Variants in ST18 observed in about 807,000 individuals in gnomAD.
The protein encoded by ST18 is ST18 C2H2C-type zinc finger transcription factor, also known as suppression of tumorigenicity 18 protein.
A neutral mutation model predicts 110.0 loss-of-function variants in ST18; 50 were observed. That is an observed-to-expected ratio of 0.45 (90% CI 0.36 to 0.58). The LOEUF (loss-of-function observed/expected upper bound fraction) is 0.58, where lower values mean the gene tolerates loss of function less well. ST18 is among the 20% of genes least tolerant of loss of function. The pLI is 0.00. For synonymous variants in ST18, 461 were observed against 452.4 expected (o/e 1.02, Z -0.24); for missense variants, 1,306 against 1,280.1 (o/e 1.02, Z -0.31).
intron 2 of ST18, among the ~76,000 whole-genome samples, chr8:52,311,634 C>A (rs2095911842): frequency 6.6e-6 from 1 of 152,140 alleles, no homozygotes; most frequent in Non-Finnish European, 1.5e-5. Flanking sequence ...ACAATCATGG[C>A]AGAAGGGAAA....
intron 8 of ST18, among the ~76,000 whole-genome samples, chr8:52,210,566 G>A (rs1373187721): frequency 6.6e-6 from 1 of 152,068 alleles, no homozygotes; most frequent in Non-Finnish European, 1.5e-5. Flanking sequence ...GCTGAGGCAG[G>A]AGGATTTCCT....
Position 52,214,250 on chromosome 8 carries a change from G to A in ST18, c.8C>T (p.Ala3Val), listed in dbSNP as rs1335172226. ...ACGCAGCGTTTTATCTTCAGCCTCT[G>A]CATCCATCTATAACATGAACACAAA... MD[A>V]EAEDKTLRTR... The change falls in exon 7 of 26, where the codon GCA becomes GTA. Residue 3 changes from alanine (A) to valine (V), a missense_variant. Transcript: ENST00000689386. 1 of 1,613,806 alleles carries A rather than the reference G, an allele frequency of 6.2e-7. No homozygotes were observed. Among genetic ancestry groups the A allele is most frequent in the Non-Finnish European group, 8.5e-7 (1 of 1,179,976 alleles).
chr8:52,172,631 T>C, intron 9 of ST18, 48 bp from the exon 10 acceptor site: 1 of 1,454,186 alleles, frequency 6.9e-7, no homozygotes, highest in Non-Finnish European at 9.1e-7. Flanking sequence ...CAAAAAATAT[T>C]TTAGGAAAAT....
At chr8:52,274,179 G>A (rs76315413) in intron 2 of ST18, among the ~76,000 whole-genome samples, 6,500 of 152,178 alleles carry the variant, frequency 0.043, 224 homozygotes, top group Admixed American at 0.083. Flanking sequence ...AGATGGAAAT[G>A]TATCAAATGC....
intron 2 of ST18, among the ~76,000 whole-genome samples, chr8:52,353,985 A>G (rs1427667618): frequency 6.6e-6 from 1 of 152,234 alleles, no homozygotes; most frequent in Non-Finnish European, 1.5e-5. Context: ...CTCTTGGGCT[A>G]GCCCACTCCA....
At chr8:52,136,145 G>T (rs558655103) in intron 19 of ST18, among the ~76,000 whole-genome samples, 1 of 152,302 alleles carries the variant, frequency 6.6e-6, no homozygotes, top group Non-Finnish European at 1.5e-5. Flanking sequence ...TGTAGGTGAG[G>T]CAGGAATGAG....
intron 2 of ST18, among the ~76,000 whole-genome samples, chr8:52,258,987 T>C (rs543221591): frequency 3.9e-5 from 6 of 152,270 alleles, no homozygotes; most frequent in African/African-American, 1.4e-4. Flanking sequence ...TTTACAAGCC[T>C]CTTGTGTGAG....
chr8:52,385,531 C>T (rs1235786915), intron 2 of ST18, among the ~76,000 whole-genome samples: 3 of 149,722 alleles, frequency 2.0e-5, no homozygotes, highest in Non-Finnish European at 3.0e-5. Flanking sequence ...ACCCGGGAGG[C>T]GGAGGTTGCA....
At chr8:52,282,950 A>G (rs1181673090) in intron 2 of ST18, among the ~76,000 whole-genome samples, 2 of 152,102 alleles carry the variant, frequency 1.3e-5, no homozygotes, top group Non-Finnish European at 2.9e-5. Context: ...TTAAAGAGGT[A>G]CTCTGGCTAC....
At chr8:52,335,032 T>G (rs1042750828) in intron 2 of ST18, among the ~76,000 whole-genome samples, 1 of 152,188 alleles carries the variant, frequency 6.6e-6, no homozygotes, top group Non-Finnish European at 1.5e-5. Flanking sequence ...AAAATTGAAT[T>G]GGAAATTTCT....
intron 15 of ST18, among the ~76,000 whole-genome samples, chr8:52,153,482 C>T (rs796517610): frequency 6.6e-6 from 1 of 152,238 alleles, no homozygotes; most frequent in African/African-American, 2.4e-5. Flanking sequence ...TCAAAGTAGG[C>T]AGGGTATTAA....
chr8:52,171,524 C>A (rs1317189601), intron 10 of ST18: 2 of 538,002 alleles, frequency 3.7e-6, no homozygotes, highest in South Asian at 3.2e-5. Context: ...AGGTATGATG[C>A]ATTTATAAAA....
chr8:52,190,835 G>A (rs2074236030), intron 8 of ST18, among the ~76,000 whole-genome samples: 1 of 152,206 alleles, frequency 6.6e-6, no homozygotes, highest in African/African-American at 2.4e-5. Flanking sequence ...GCTTTGACAA[G>A]ACATCTGTGT....
intron 2 of ST18, among the ~76,000 whole-genome samples, chr8:52,250,660 C>A (rs1371017612): frequency 2.4e-5 from 3 of 126,054 alleles, no homozygotes; most frequent in Non-Finnish European, 3.6e-5. Context: ...AAATCACCAT[C>A]CAAAAAAAAA....
intron 10 of ST18, among the ~76,000 whole-genome samples, chr8:52,169,771 A>G (rs79593735): frequency 0.013 from 1,970 of 152,272 alleles, 35 homozygotes; most frequent in African/African-American, 0.045. Flanking sequence ...CTCTTCTTCA[A>G]TGTGGGCTTC....
At chr8:52,149,998 G>A (rs2058399045) in intron 15 of ST18, 21 bp from the exon 16 acceptor site, 1 of 1,603,000 alleles carries the variant, frequency 6.2e-7, no homozygotes, top group African/African-American at 1.3e-5. Flanking sequence ...ATAGGAAACA[G>A]AAAAACATTT....
chr8:52,231,357 A>G (rs2091294895), intron 2 of ST18, among the ~76,000 whole-genome samples: 1 of 152,156 alleles, frequency 6.6e-6, no homozygotes, highest in African/African-American at 2.4e-5. Context: ...ACTGAGTTCC[A>G]CTTTCCTAGC....
intron 2 of ST18, among the ~76,000 whole-genome samples, chr8:52,271,831 G>A (rs1280620713): frequency 6.6e-6 from 1 of 152,202 alleles, no homozygotes; most frequent in African/African-American, 2.4e-5. Context: ...CTTTCTTACT[G>A]GTGCTGCAAG....
rs2095820367 is a variant in ST18, at chr8:52,306,796, A to G, written c.-464-76719T>C. 2.0e-5 allele frequency among the ~76,000 whole-genome samples: 3 copies of G among 152,198 alleles called. No individual in the cohort carries two copies. In the South Asian group the frequency reaches 6.2e-4, roughly 32 times the overall value. On this transcript the variant is annotated intron_variant, in intron 2 of 25. Coordinates refer to ENST00000689386, the MANE Select transcript of ST18 (RefSeq NM_001352837.2). ...TTGATATAATATAGATGAAAGAAAGAAATAGAAATCAAATCTATTTCCCAA... is the reference window on the plus strand; with the variant it reads ...TTGATATAATATAGATGAAAGAAAGGAATAGAAATCAAATCTATTTCCCAA...
Sources: allele counts gnomAD v4.1 joint callset (sites outside exome capture counted in the v4.1 genomes callset), GRCh38; gene constraint gnomAD v4.1.1; transcripts MANE v1.5; gene names NCBI Gene and HGNC (gene_info 2026-07-23, HGNC 2026-07-21).